The following MAP2 variants were observed in gnomAD, a reference collection of about 807,000 sequenced individuals.
MAP2 encodes the protein microtubule-associated protein 2.
In MAP2, 14 loss-of-function variants were observed where a neutral mutation model predicts 137.6. The observed-to-expected ratio is 0.10, with a 90% CI of 0.07 to 0.16. The LOEUF is 0.16. Among genes scored for constraint, MAP2 ranks in the 10% least tolerant of loss-of-function variants. MAP2 has a pLI of 1.00. For synonymous variants in MAP2, 786 were observed against 782.3 expected, an observed-to-expected ratio of 1.00 and a Z score of -0.08; for missense variants, 2,088 against 2,191.5, an observed-to-expected ratio of 0.95 and a Z score of 0.94.
chr2:209,690,060 G>A (rs560735430), intron 7 of MAP2, among the ~76,000 whole-genome samples: 1 of 152,264 alleles, frequency 6.6e-6, no homozygotes, highest in South Asian at 2.1e-4. Context: ...ATATTCTTTT[G>A]AAGCAAGGCT....
chr2:209,651,577 C>T (rs1044205953), intron 4 of MAP2, among the ~76,000 whole-genome samples: 1 of 152,108 alleles, frequency 6.6e-6, no homozygotes, highest in Non-Finnish European at 1.5e-5. Flanking sequence ...GATGAGAAAA[C>T]TCTCCTGTGC....
At chr2:209,530,920 G>A (rs1043646953) in intron 2 of MAP2, among the ~76,000 whole-genome samples, 3 of 152,080 alleles carry the variant, frequency 2.0e-5, no homozygotes, top group Non-Finnish European at 2.9e-5. Flanking sequence ...GTATTTATTA[G>A]CACAGTATTC....
chr2:209,665,919 A>G (rs2046108342), intron 5 of MAP2, among the ~76,000 whole-genome samples: 1 of 152,168 alleles, frequency 6.6e-6, no homozygotes, highest in South Asian at 2.1e-4. Context: ...TCTAATCATT[A>G]AGTATTTCAG....
intron 2 of MAP2, among the ~76,000 whole-genome samples, chr2:209,518,666 A>G (rs557974009): frequency 6.6e-6 from 1 of 152,212 alleles, no homozygotes; most frequent in Admixed American, 6.6e-5. Flanking sequence ...GCAGAAACCC[A>G]GTTCATCATG....
At chr2:209,472,329 T>C (rs1483171878) in intron 1 of MAP2, among the ~76,000 whole-genome samples, 2 of 152,094 alleles carry the variant, frequency 1.3e-5, no homozygotes, top group Non-Finnish European at 2.9e-5. Flanking sequence ...AAGGAGAAAA[T>C]GGGTCCCTTA....
At chr2:209,440,230 A>T (rs1697415379) in intron 1 of MAP2, among the ~76,000 whole-genome samples, 1 of 151,522 alleles carries the variant, frequency 6.6e-6, no homozygotes, top group Non-Finnish European at 1.5e-5. Flanking sequence ...ATTTTTGAGT[A>T]AATCAATGAA....
chr2:209,656,313 C>T (rs144576848), intron 5 of MAP2, among the ~76,000 whole-genome samples: 5 of 151,898 alleles, frequency 3.3e-5, no homozygotes, highest in African/African-American at 9.7e-5. Context: ...CCCAGGAATT[C>T]GAGACCAGTC....
At chr2:209,729,705 AAG>A in intron 14 of MAP2, 143 bp from the exon 15 acceptor site, 1 of 602,352 alleles carries the variant, frequency 1.7e-6, no homozygotes, top group Middle Eastern at 2.6e-4. Context: ...GAAATTCTAA[AAG>A]ACTCTTTTTA....
At chr2:209,569,207 G>C (rs992338110) in intron 2 of MAP2, among the ~76,000 whole-genome samples, 2 of 151,716 alleles carry the variant, frequency 1.3e-5, no homozygotes, top group Non-Finnish European at 3.0e-5. Flanking sequence ...CAAAATAAAT[G>C]AAACACTTAC....
At chr2:209,558,668 C>T (rs568674612) in intron 2 of MAP2, among the ~76,000 whole-genome samples, 4 of 150,514 alleles carry the variant, frequency 2.7e-5, no homozygotes, top group African/African-American at 9.8e-5. Flanking sequence ...CTTCATTTGT[C>T]CCCAAAATGT....
intron 1 of MAP2, among the ~76,000 whole-genome samples, chr2:209,428,623 A>G (rs1321246475): frequency 1.3e-5 from 2 of 151,872 alleles, no homozygotes; most frequent in South Asian, 4.1e-4. Flanking sequence ...TTATATTTAT[A>G]TTTCTCATTT....
chr2:209,441,382 T>A (rs1349986352), intron 1 of MAP2, among the ~76,000 whole-genome samples: 1 of 151,652 alleles, frequency 6.6e-6, no homozygotes, highest in African/African-American at 2.4e-5. Flanking sequence ...ATCCTTTAAA[T>A]TTTTTGTTAT....
chr2:209,723,523 C>A, intron 13 of MAP2: 1 of 834,720 alleles, frequency 1.2e-6, no homozygotes, highest in Non-Finnish European at 2.1e-6. Context: ...TTTGATGCTA[C>A]CCATTCTGGT....
chr2:209,458,860 G>A (rs542747749), intron 1 of MAP2, among the ~76,000 whole-genome samples: 1 of 152,166 alleles, frequency 6.6e-6, no homozygotes, highest in African/African-American at 2.4e-5. Context: ...AGTGCTCTAA[G>A]CTCTCTATAC....
chr2:209,477,499 C>T (rs192816429), intron 1 of MAP2, among the ~76,000 whole-genome samples: 61 of 152,104 alleles, frequency 4.0e-4, no homozygotes, highest in African/African-American at 1.2e-3. Context: ...TCCTAAAACC[C>T]TTTACAATTG....
intron 1 of MAP2, among the ~76,000 whole-genome samples, chr2:209,476,846 G>A (rs887991864): frequency 4.6e-5 from 7 of 152,060 alleles, no homozygotes; most frequent in African/African-American, 1.7e-4. Context: ...TTTGAGAAAA[G>A]TGAGCTCTTT....
At chr2:209,630,332 A>G (rs1354170649) in intron 4 of MAP2, among the ~76,000 whole-genome samples, 3 of 152,096 alleles carry the variant, frequency 2.0e-5, no homozygotes, top group African/African-American at 7.2e-5. Flanking sequence ...TTAATTCAAG[A>G]TGACTATAGA....
In MAP2 at chr2:209,705,001, A is replaced by T. The variant is rs560084275; in HGVS notation, c.4585-579A>T. Among the ~76,000 whole-genome samples, 13 of 151,668 alleles carry T rather than the reference A, an allele frequency of 8.6e-5. No homozygotes were observed. The South Asian group carries it at 2.5e-3, about 29-fold the overall frequency. ...GAATATAATAGATAATTTAAACTAA[A>T]CGTCATATACATCAGGGTTTAATAC... is the stretch of plus-strand genomic sequence containing the variant. On this transcript the variant is annotated intron_variant, in intron 11 of 15. Transcript: ENST00000682079.
chr2:209,516,474 T>A (rs75786130), intron 2 of MAP2, among the ~76,000 whole-genome samples: 1,640 of 152,194 alleles, frequency 0.011, 31 homozygotes, highest in African/African-American at 0.038. Flanking sequence ...TAAGGGGTTT[T>A]AAGTCAGCCA....
Sources: gnomAD v4.1 joint callset for allele counts (sites outside exome capture counted in the v4.1 genomes callset) on GRCh38, gnomAD v4.1.1 for gene constraint, MANE v1.5 for transcripts, NCBI Gene and HGNC (gene_info 2026-07-23, HGNC 2026-07-21) for gene names.